DOCK2: variants seen among roughly 807,000 people sequenced by gnomAD.
DOCK2 encodes dedicator of cytokinesis protein 2.
DOCK2 carries 87 observed loss-of-function variants against 248.9 expected under a neutral mutation model. The observed-to-expected ratio is 0.35, with a 90% CI of 0.29 to 0.42. DOCK2 has a LOEUF of 0.42. DOCK2 is among the 10% of genes least tolerant of loss of function. The pLI is 1.00. For missense variants in DOCK2, 1,747 were observed against 2,300.2 expected, an observed-to-expected ratio of 0.76 and a Z score of 4.92; for synonymous variants, 805 against 821.6, an observed-to-expected ratio of 0.98 and a Z score of 0.35.
Position 169,853,804 on chromosome 5 carries a change from C to CTTTTTTTTTTTTTT in DOCK2, c.2799+12984_2799+12997dup, listed in dbSNP as rs67124138. 2.8e-4 allele frequency among the ~76,000 whole-genome samples: 16 copies of CTTTTTTTTTTTTTT among 56,858 alleles called. 1 individual carries two copies. Among genetic ancestry groups the CTTTTTTTTTTTTTT allele is most frequent in the African/African-American group, 7.2e-4 (9 of 12,450 alleles). 37.3% of individuals were successfully genotyped at this position (56,858 alleles called of 152,430 possible). A position where few individuals can be genotyped will look rare whatever the true frequency, so the allele number is the denominator to read the frequency against. On this transcript the variant is annotated intron_variant, in intron 27 of 51. Coordinates refer to ENST00000520908, the MANE Select transcript of DOCK2 (RefSeq NM_004946.3). ...TTCCTTCTATAATCAGGAAAAACAA[C>CTTTTTTTTTTTTTT]TTTTTTTTTTTTTTTTTTTTTTTTT...
intron 36 of DOCK2, among the ~76,000 whole-genome samples, chr5:170,038,086 A>G (rs1256523273): frequency 2.0e-5 from 3 of 152,162 alleles, no homozygotes; most frequent in African/African-American, 7.2e-5. Context: ...TAGCAGCACA[A>G]AGCTTTGGGG....
intron 27 of DOCK2, among the ~76,000 whole-genome samples, chr5:169,865,539 T>G (rs1377420919): frequency 6.6e-6 from 1 of 152,224 alleles, no homozygotes; most frequent in Non-Finnish European, 1.5e-5. Context: ...CTGTCCTTAA[T>G]TGTCTTTCCT....
rs376091703 is a variant in DOCK2, at chr5:170,069,193, C to T, written c.4701C>T (p.Thr1567=). Residue 1567 remains threonine, a synonymous_variant, in exon 46 of 52, where the codon ACC becomes ACT. Transcript: ENST00000520908. The part of the protein sequence containing the change: ...RDHPEDQDKL[T]HLKDLIAWQI... ...ACCCTGAGGACCAGGACAAGCTGAC[C>T]CACCTCAAGGACCTGATTGCATGGC... 1 of 1,614,078 alleles carries T rather than the reference C, an allele frequency of 6.2e-7. No homozygotes were observed. The highest frequency in any genetic ancestry group is 8.5e-7 in the Non-Finnish European group (1 of 1,179,970).
At chr5:169,738,805 A>G (rs1763169936) in intron 22 of DOCK2, among the ~76,000 whole-genome samples, 1 of 152,190 alleles carries the variant, frequency 6.6e-6, no homozygotes, top group South Asian at 2.1e-4. Flanking sequence ...CCCAGACAGG[A>G]GTGATCTAAA....
At position 170,067,443 on chromosome 5, in the gene DOCK2, C is replaced by A. The variant is rs1757532155; in HGVS notation, c.4468-67C>A. The A allele has an allele frequency of 1.7e-5, 25 of 1,511,506 alleles. 2 individuals are homozygous for A. The Middle Eastern group carries it at 2.1e-3, about 127-fold the overall frequency. 93.6% of individuals were successfully genotyped at this position (1,511,506 alleles called of 1,614,324 possible). ...TTCCCACCCCAAGTGAAATCAATAC[C>A]AATAATATCTGTTTTTAAAGTGACT... On this transcript the variant is annotated intron_variant, in intron 44 of 51. Coordinates refer to ENST00000520908, the MANE Select transcript of DOCK2 (RefSeq NM_004946.3).
In DOCK2 at chr5:169,837,238, G is replaced by A. The variant is rs534263696; in HGVS notation, c.2704-3519G>A. Among the ~76,000 whole-genome samples, 16 of 152,282 alleles carry A rather than the reference G, an allele frequency of 1.1e-4. No homozygotes were observed. In the East Asian group the frequency reaches 3.1e-3, roughly 29 times the overall value. On this transcript the variant is annotated intron_variant, in intron 26 of 51. Transcript: ENST00000520908. ...AATTTCTTTGCCAAGGCCATAATGG[G>A]AAGACTGATTTTGTCATTTCAATTA...
chr5:169,670,250 G>A (rs1037638268), intron 3 of DOCK2, among the ~76,000 whole-genome samples: 3 of 152,210 alleles, frequency 2.0e-5, no homozygotes, highest in Non-Finnish European at 2.9e-5. Flanking sequence ...CCTGCAGGAT[G>A]AGTGGCCATA....
intron 27 of DOCK2, among the ~76,000 whole-genome samples, chr5:169,912,175 C>T (rs1774632106): frequency 6.6e-6 from 1 of 152,078 alleles, no homozygotes; most frequent in Admixed American, 6.5e-5. Context: ...CTCCTTCTTT[C>T]TTCTTTTGTT....
chr5:170,045,920 G>A lies in DOCK2; in HGVS notation c.3966+15G>A, dbSNP rs1159176526. ...GCCAGAACCTGGTAAGGCATCCCCT[G>A]GGAAGGCTGAATGCCCTGCAGGCTG... On this transcript the variant is annotated intron_variant, in intron 39 of 51. Coordinates refer to ENST00000520908, the MANE Select transcript of DOCK2 (RefSeq NM_004946.3). The A allele has an allele frequency of 5.6e-6, 9 of 1,613,790 alleles. No individual in the cohort carries two copies. The South Asian group carries it at 8.8e-5, about 16-fold the overall frequency.
At position 169,681,113 on chromosome 5, in the gene DOCK2, CTTTTTTTTTT is replaced by C. The variant is rs764614478; in HGVS notation, c.471-614_471-605del. Among the ~76,000 whole-genome samples, 19 of 94,232 alleles carry C rather than the reference CTTTTTTTTTT, an allele frequency of 2.0e-4. 1 individual carries two copies. Among genetic ancestry groups the C allele is most frequent in the African/African-American group, 5.8e-4 (15 of 25,736 alleles). 61.8% of individuals were successfully genotyped at this position (94,232 alleles called of 152,430 possible). ...TTTAGCCATTTCTCTTTTAGTAGAC[CTTTTTTTTTT>C]TTTTTTTTTTTTTTTTCTGAGATGG... On this transcript the variant is annotated intron_variant, in intron 6 of 51. Coordinates refer to ENST00000520908, the MANE Select transcript of DOCK2 (RefSeq NM_004946.3).
At chr5:169,676,748 GGA>G (rs1759355719) in intron 6 of DOCK2, among the ~76,000 whole-genome samples, 1 of 152,162 alleles carries the variant, frequency 6.6e-6, no homozygotes, top group Admixed American at 6.5e-5. Context: ...ACTGAACCTT[GGA>G]GGAGTGATCA....
chr5:169,797,526 G>A (rs1766728783), intron 25 of DOCK2, among the ~76,000 whole-genome samples: 1 of 152,240 alleles, frequency 6.6e-6, no homozygotes, highest in Non-Finnish European at 1.5e-5. Flanking sequence ...GGAGGACCCA[G>A]AACCCAGAAA....
At chr5:169,948,816 C>T (rs1776546923) in intron 27 of DOCK2, among the ~76,000 whole-genome samples, 1 of 151,932 alleles carries the variant, frequency 6.6e-6, no homozygotes, top group Non-Finnish European at 1.5e-5. Flanking sequence ...GCCAGTTCCT[C>T]AGGATGGTTT....
At chr5:169,735,708 T>C (rs904786431) in intron 22 of DOCK2, among the ~76,000 whole-genome samples, 1 of 152,184 alleles carries the variant, frequency 6.6e-6, no homozygotes, top group Non-Finnish European at 1.5e-5. Context: ...TAACTTATCT[T>C]ATGGAGACCC....
intron 44 of DOCK2, among the ~76,000 whole-genome samples, chr5:170,063,965 C>T (rs114538372): frequency 6.6e-6 from 1 of 152,256 alleles, no homozygotes; most frequent in East Asian, 1.9e-4. Context: ...ACATTTAATA[C>T]CCCCACCTTT....
At chr5:169,780,588 C>G (rs1406451254) in intron 25 of DOCK2, among the ~76,000 whole-genome samples, 2 of 152,146 alleles carry the variant, frequency 1.3e-5, no homozygotes, top group African/African-American at 4.8e-5. Flanking sequence ...TAAGATTTTC[C>G]TTGTGCTTAC....
chr5:170,072,249 T>C (rs1253247972), intron 46 of DOCK2, among the ~76,000 whole-genome samples: 3 of 152,224 alleles, frequency 2.0e-5, no homozygotes, highest in Non-Finnish European at 4.4e-5. Context: ...CTTGAACCTC[T>C]TATAAATTGT....
intron 27 of DOCK2, among the ~76,000 whole-genome samples, chr5:169,945,093 A>G (rs1776391837): frequency 6.6e-6 from 1 of 152,236 alleles, no homozygotes; most frequent in South Asian, 2.1e-4. Context: ...TTCTCAGATT[A>G]GGGAACCGAC....
At chr5:169,951,492 T>C (rs1313305933) in intron 27 of DOCK2, among the ~76,000 whole-genome samples, 1 of 152,230 alleles carries the variant, frequency 6.6e-6, no homozygotes, top group Non-Finnish European at 1.5e-5. Flanking sequence ...ACTCAGAGCC[T>C]GCTGTGTGCT....
Sources: allele counts gnomAD v4.1 joint callset (sites outside exome capture counted in the v4.1 genomes callset), GRCh38; gene constraint gnomAD v4.1.1; transcripts MANE v1.5; gene names NCBI Gene and HGNC (gene_info 2026-07-23, HGNC 2026-07-21).